Variants in SCIN observed in about 807,000 individuals in gnomAD.
SCIN encodes the protein scinderin.
In SCIN, 91 loss-of-function variants were observed where a neutral mutation model predicts 91.8. The observed-to-expected ratio is 0.99, with a 90% CI of 0.84 to 1.18. The LOEUF is 1.18. Ranked by LOEUF, SCIN falls within the 50% of genes most tolerant of loss-of-function variation. The pLI, the probability that SCIN is intolerant of heterozygous loss-of-function variation, is 0.00. For missense variants in SCIN, 1,087 were observed against 863.9 expected (o/e 1.26, Z -3.24); for synonymous variants, 367 against 312.6 (o/e 1.17, Z -1.84).
At chr7:12,645,188 G>A (rs187961523) in intron 13 of SCIN, among the ~76,000 whole-genome samples, 77 of 150,874 alleles carry the variant, frequency 5.1e-4, no homozygotes, top group African/African-American at 1.9e-3. Context: ...GCATGGTGGT[G>A]GGTGCCTGTA....
intron 4 of SCIN, among the ~76,000 whole-genome samples, chr7:12,621,152 A>G (rs527402815): frequency 1.3e-5 from 2 of 152,278 alleles, no homozygotes; most frequent in African/African-American, 2.4e-5. Flanking sequence ...TTTCTACGCC[A>G]GATGTAAAGC....
At chr7:12,622,724 TA>T (rs1343687389) in intron 4 of SCIN, 76 bp from the exon 5 acceptor site, 3 of 973,130 alleles carry the variant, frequency 3.1e-6, no homozygotes, top group Non-Finnish European at 4.9e-6. Flanking sequence ...TCCATGTCTT[TA>T]TAAGTGTATT....
At chr7:12,584,236 G>A (rs144748056) in intron 3 of SCIN, among the ~76,000 whole-genome samples, 69 of 152,234 alleles carry the variant, frequency 4.5e-4, no homozygotes, top group African/African-American at 1.5e-3. Flanking sequence ...TAGTAATTGC[G>A]CTAGTTATCC....
At chr7:12,620,251 A>G (rs1310739295) in intron 4 of SCIN, among the ~76,000 whole-genome samples, 1 of 152,034 alleles carries the variant, frequency 6.6e-6, no homozygotes, top group Admixed American at 6.6e-5. Flanking sequence ...TCAAGTATAA[A>G]CTACATTATT....
intron 9 of SCIN, among the ~76,000 whole-genome samples, chr7:12,629,590 T>C (rs1291067772): frequency 3.9e-5 from 6 of 152,202 alleles, no homozygotes; most frequent in African/African-American, 1.2e-4. Context: ...TCCATCCTAA[T>C]TGGAACTGCA....
In SCIN at chr7:12,570,995, G is replaced by C. The variant is rs1277568900; in HGVS notation, c.199+10G>C. 1.3e-6 allele frequency: 2 copies of C among 1,544,438 alleles called. No individual in the cohort carries two copies. The highest frequency in any genetic ancestry group is 2.0e-5 in the Admixed American group (1 of 50,618). On this transcript the variant is annotated intron_variant, in intron 1 of 15. Coordinates refer to ENST00000297029, the MANE Select transcript of SCIN (RefSeq NM_001112706.3). ...CTGCACTTCTGGCTCGGTAAGGGAC[G>C]GCGGGCGGCGGGACCCCGACGCACC...
intron 10 of SCIN, among the ~76,000 whole-genome samples, chr7:12,637,241 CA>C (rs1783769673): frequency 6.6e-6 from 1 of 152,180 alleles, no homozygotes. Context: ...CACAGATTAA[CA>C]ATTCGAATTA....
rs574956652 is a variant in SCIN at position 12,583,114 on chromosome 7, T to TA, written c.516+1904dup. The stretch of plus-strand genomic sequence containing the variant: ...CATTACTTGAAAGTATTTCTTTTCT[T>TA]AAAAAAAAAAACTTGTTATATATAA... On this transcript the variant is annotated intron_variant, in intron 3 of 15. Transcript: ENST00000297029. 7.7e-3 allele frequency among the ~76,000 whole-genome samples: 1,130 copies of TA among 146,854 alleles called. 15 individuals carry two copies. Among genetic ancestry groups the TA allele is most frequent in the African/African-American group, 0.023 (929 of 40,276 alleles).
At chr7:12,603,049 G>C (rs1325771552) in intron 3 of SCIN, among the ~76,000 whole-genome samples, 2 of 152,126 alleles carry the variant, frequency 1.3e-5, no homozygotes, top group African/African-American at 4.8e-5. Flanking sequence ...TGGGGTCCCT[G>C]ACTTCCCGCA....
At chr7:12,577,859 A>G in intron 1 of SCIN, 1 of 497,556 alleles carries the variant, frequency 2.0e-6, no homozygotes. Context: ...CTCTCTCAAA[A>G]AAAAAAAAAA....
At chr7:12,635,700 A>G (rs543809711) in intron 9 of SCIN, among the ~76,000 whole-genome samples, 1 of 147,400 alleles carries the variant, frequency 6.8e-6, no homozygotes, top group African/African-American at 2.5e-5. Context: ...TCGTATTTTC[A>G]TCTCAGATGG....
chr7:12,605,484 T>A (rs1783061787), intron 4 of SCIN, among the ~76,000 whole-genome samples: 1 of 152,258 alleles, frequency 6.6e-6, no homozygotes, highest in Non-Finnish European at 1.5e-5. Flanking sequence ...TGGAAATATT[T>A]GTATATACAA....
intron 10 of SCIN, among the ~76,000 whole-genome samples, chr7:12,637,246 C>T (rs1472001496): frequency 3.3e-5 from 5 of 152,072 alleles, no homozygotes; most frequent in East Asian, 1.9e-4. Flanking sequence ...ATTAACAATT[C>T]GAATTAATAG....
At position 12,640,405 on chromosome 7, in the gene SCIN, C is replaced by T. The variant is rs753723296; in HGVS notation, c.1469C>T (p.Pro490Leu). The T allele has an allele frequency of 8.1e-6, 13 of 1,613,240 alleles. No homozygotes were observed. Among genetic ancestry groups the T allele is most frequent in the South Asian group, 5.5e-5 (5 of 90,960 alleles). The part of the protein sequence containing the change: ...VHLLSLFKDK[P>L]LIIYKNGTSK... ...CTACTGAGTTTGTTCAAAGACAAAC[C>T]GCTCATTATTTACAAGAATGGAACA... Residue 490 changes from proline to leucine, a missense_variant, in exon 11 of 16, where the codon CCG (proline) becomes CTG (leucine). Physicochemically the swap from Pro to Leu is moderately conservative, Grantham distance 98. Transcript: ENST00000297029.
At chr7:12,572,656 G>T (rs915876131) in intron 1 of SCIN, among the ~76,000 whole-genome samples, 3 of 152,116 alleles carry the variant, frequency 2.0e-5, no homozygotes, top group Non-Finnish European at 4.4e-5. Flanking sequence ...ATTTTGTAGG[G>T]TTTACAGATT....
intron 4 of SCIN, among the ~76,000 whole-genome samples, chr7:12,605,417 C>T (rs1223498890): frequency 2.0e-5 from 3 of 152,088 alleles, no homozygotes; most frequent in East Asian, 1.9e-4. Flanking sequence ...GGTTGAGTAT[C>T]CCTTTTCCAA....
intron 15 of SCIN, among the ~76,000 whole-genome samples, 191 bp from the exon 16 acceptor site, chr7:12,652,397 C>T (rs1052121258): frequency 8.5e-5 from 13 of 152,172 alleles, no homozygotes; most frequent in Admixed American, 8.5e-4. Flanking sequence ...ATTTGTCTAC[C>T]TGGTCAATGG....
intron 4 of SCIN, among the ~76,000 whole-genome samples, chr7:12,617,696 C>G (rs147531859): frequency 0.011 from 1,670 of 152,190 alleles, 37 homozygotes; most frequent in African/African-American, 0.037. Flanking sequence ...ATAAACCAGG[C>G]TAGCAAAGCT....
At chr7:12,618,158 G>A (rs1186604836) in intron 4 of SCIN, among the ~76,000 whole-genome samples, 4 of 152,148 alleles carry the variant, frequency 2.6e-5, no homozygotes, top group South Asian at 2.1e-4. Flanking sequence ...CAAGACATGA[G>A]TGACTATTTA....
Sources: allele counts gnomAD v4.1 joint callset (sites outside exome capture counted in the v4.1 genomes callset), GRCh38; gene constraint gnomAD v4.1.1; transcripts MANE v1.5; gene names NCBI Gene and HGNC (gene_info 2026-07-23, HGNC 2026-07-21).